The following SASH1 variants were observed in gnomAD, a reference collection of about 807,000 sequenced individuals.
The protein encoded by SASH1 is SAM and SH3 domain-containing protein 1.
SASH1 carries 44 observed loss-of-function variants against 125.2 expected under a neutral mutation model. The ratio of observed to expected loss-of-function variants is 0.35; its 90% CI spans 0.28 to 0.45. The LOEUF (loss-of-function observed/expected upper bound fraction) is 0.45, where lower values mean the gene tolerates loss of function less well. Ranked by LOEUF, SASH1 falls within the 20% of genes least tolerant of loss-of-function variation. The pLI, the probability that SASH1 is intolerant of heterozygous loss-of-function variation, is 1.00. For missense variants in SASH1, 1,426 were observed against 1,614.5 expected (o/e 0.88, Z 2.00); for synonymous variants, 639 against 649.1 (o/e 0.98, Z 0.24).
At chr6:148,339,000 T>A (rs1781244402), upstream of SASH1, among the ~76,000 whole-genome samples, 1 of 112,236 alleles carries the variant, frequency 8.9e-6, no homozygotes, top group Non-Finnish European at 1.8e-5. Context: ...CGAGACTCTG[T>A]CTTTAAAAAA....
intron 1 of SASH1, among the ~76,000 whole-genome samples, chr6:148,298,322 TTTC>T (rs1779817018): frequency 6.6e-6 from 1 of 152,110 alleles, no homozygotes; most frequent in African/African-American, 2.4e-5. Context: ...CTTATTATAA[TTTC>T]TTATGTGGCA....
At chr6:148,233,177 G>C in the SASH1 span, among the ~76,000 whole-genome samples, 1 of 150,108 alleles carries the variant, frequency 6.7e-6, no homozygotes, top group East Asian at 2.0e-4. Flanking sequence ...TCGCGCCATT[G>C]CACTCCAGCC....
intron 2 of SASH1, among the ~76,000 whole-genome samples, chr6:148,398,439 C>T (rs1784041955): frequency 6.6e-6 from 1 of 152,098 alleles, no homozygotes; most frequent in South Asian, 2.1e-4. Context: ...TCCTGTTGTA[C>T]ATTTGAGCTT....
chr6:148,365,466 A>G (rs12189822), intron 1 of SASH1, among the ~76,000 whole-genome samples: 47,406 of 150,046 alleles, frequency 0.32, 7,612 homozygotes, highest in African/African-American at 0.38. Flanking sequence ...CTCTGCAAAG[A>G]TATTGTTGGT....
At chr6:148,437,698 A>G (rs1480053066) in intron 2 of SASH1, among the ~76,000 whole-genome samples, 8 of 152,272 alleles carry the variant, frequency 5.3e-5, no homozygotes, top group Admixed American at 4.6e-4. Flanking sequence ...CAGTGTGGGT[A>G]ACATAGCAAG....
At chr6:148,224,114 T>C in the SASH1 span, among the ~76,000 whole-genome samples, 1 of 152,142 alleles carries the variant, frequency 6.6e-6, no homozygotes, top group Admixed American at 6.5e-5. Context: ...AGCAACATGG[T>C]GATAGCTTGT....
chr6:148,204,306 AG>A, the SASH1 span, among the ~76,000 whole-genome samples: 1 of 152,242 alleles, frequency 6.6e-6, no homozygotes, highest in African/African-American at 2.4e-5. Context: ...ACAGTACAAA[AG>A]AGACCAATTT....
chr6:148,451,363 A>T (rs1026176972), intron 4 of SASH1, among the ~76,000 whole-genome samples: 2 of 152,214 alleles, frequency 1.3e-5, no homozygotes, highest in African/African-American at 4.8e-5. Context: ...AAATATCAAC[A>T]TTATAAAGAC....
chr6:148,525,254 TA>T, intron 10 of SASH1, 36 bp from the exon 11 acceptor site: 1 of 1,572,004 alleles, frequency 6.4e-7, no homozygotes, highest in Non-Finnish European at 8.8e-7. Flanking sequence ...GGCTTAAGCA[TA>T]ACTGAAGTTT....
chr6:148,275,960 A>G (rs1779172631), intron 1 of SASH1, among the ~76,000 whole-genome samples: 1 of 152,174 alleles, frequency 6.6e-6, no homozygotes, highest in Non-Finnish European at 1.5e-5. Context: ...GTCTTAAGCA[A>G]TCCTCCTGCC....
chr6:148,369,902 C>CGAGATCAT (rs1782639641), intron 1 of SASH1, among the ~76,000 whole-genome samples: 1 of 138,010 alleles, frequency 7.2e-6, no homozygotes, highest in African/African-American at 2.8e-5. Flanking sequence ...TGCAATGAGC[C>CGAGATCAT]GAGATCATGC....
At position 148,327,739 on chromosome 6, in the gene SASH1, G is replaced by A. The variant is rs1372099314; in HGVS notation, n.74+55362G>A. ...GCAGATCACCTGAGGTCAGGAGTTC[G>A]AGACCAGCCTGGCCAACATGGCAAA... On this transcript the variant is annotated intron_variant and non_coding_transcript_variant, in intron 1 of 3. Coordinates refer to the SASH1 transcript ENST00000367469. Among the ~76,000 whole-genome samples, 7 of 149,304 alleles carry A rather than the reference G, an allele frequency of 4.7e-5. 1 individual carries two copies. The East Asian group carries it at 6.3e-4, about 13-fold the overall frequency.
chr6:148,530,401 T>G (rs1781441830), intron 12 of SASH1, among the ~76,000 whole-genome samples: 1 of 152,184 alleles, frequency 6.6e-6, no homozygotes, highest in African/African-American at 2.4e-5. Context: ...ATGAATTTTT[T>G]TTTTTTAAGG....
intron 8 of SASH1, 34 bp from the exon 9 acceptor site, chr6:148,514,290 A>G: frequency 6.3e-7 from 1 of 1,584,282 alleles, no homozygotes; most frequent in Admixed American, 1.9e-5. Context: ...CGGAGCAATT[A>G]CCTGATTAAC....
intron 19 of SASH1, among the ~76,000 whole-genome samples, chr6:148,547,298 T>C (rs1782630488): frequency 6.6e-6 from 1 of 152,168 alleles, no homozygotes; most frequent in African/African-American, 2.4e-5. Flanking sequence ...ACTGCGGGGC[T>C]GGTGGTGTAG....
At chr6:148,437,527 G>A (rs767019148) in intron 2 of SASH1, among the ~76,000 whole-genome samples, 1 of 152,138 alleles carries the variant, frequency 6.6e-6, no homozygotes, top group South Asian at 2.1e-4. Context: ...AACATTATAT[G>A]TCAAACTATA....
chr6:148,485,507 GAGTTTTGCTGCATTATCAT>G (rs1778800872), intron 7 of SASH1, among the ~76,000 whole-genome samples: 2 of 152,178 alleles, frequency 1.3e-5, no homozygotes, highest in South Asian at 4.1e-4. Context: ...AGTGTGCTGA[GAGTTTTGCTGCATTATCAT>G]AGTTAATTCT....
intron 4 of SASH1, among the ~76,000 whole-genome samples, chr6:148,446,652 A>C (rs534974958): frequency 1.3e-4 from 20 of 152,310 alleles, no homozygotes; most frequent in Non-Finnish European, 2.5e-4. Context: ...GGGGTGGTTT[A>C]TATAGACTAA....
the SASH1 span, among the ~76,000 whole-genome samples, chr6:148,261,578 C>G: frequency 6.6e-6 from 1 of 152,146 alleles, no homozygotes; most frequent in Non-Finnish European, 1.5e-5. Flanking sequence ...CACAAATTGC[C>G]TGTCAAGAGA....
Sources: gnomAD v4.1 joint callset for allele counts (sites outside exome capture counted in the v4.1 genomes callset) on GRCh38, gnomAD v4.1.1 for gene constraint, MANE v1.5 for transcripts, NCBI Gene and HGNC (gene_info 2026-07-23, HGNC 2026-07-21) for gene names.